The following FAF1 variants were observed in gnomAD, a reference collection of about 807,000 sequenced individuals.
FAF1 encodes the protein FAS-associated factor 1.
A neutral mutation model predicts 92.5 loss-of-function variants in FAF1; 25 were observed. The ratio of observed to expected loss-of-function variants is 0.27; its 90% CI spans 0.20 to 0.38. FAF1 has a LOEUF of 0.38. FAF1 is among the 10% of genes least tolerant of loss of function. FAF1 has a pLI of 1.00. For synonymous variants in FAF1, 234 were observed against 273.2 expected, an observed-to-expected ratio of 0.86 and a Z score of 1.42; for missense variants, 636 against 793.3, an observed-to-expected ratio of 0.80 and a Z score of 2.38.
chr1:50,539,998 GTC>G (rs1194162490), intron 13 of FAF1, among the ~76,000 whole-genome samples: 1 of 151,930 alleles, frequency 6.6e-6, no homozygotes, highest in Non-Finnish European at 1.5e-5. Flanking sequence ...TTGAGACAGA[GTC>G]TCTCTCTGTC....
intron 1 of FAF1, among the ~76,000 whole-genome samples, chr1:50,946,770 A>AGGGCAACAC (rs1219325450): frequency 1.3e-5 from 2 of 152,236 alleles, no homozygotes; most frequent in Non-Finnish European, 2.9e-5. Context: ...CATTTCCTAT[A>AGGGCAACAC]GGGCAACACA....
intron 8 of FAF1, among the ~76,000 whole-genome samples, chr1:50,615,591 T>C (rs958083761): frequency 2.6e-5 from 4 of 152,346 alleles, no homozygotes; most frequent in African/African-American, 4.8e-5. Context: ...TGGTATCTCA[T>C]TGTGGTTTTA....
At chr1:50,879,009 GC>G (rs1410071102) in intron 1 of FAF1, among the ~76,000 whole-genome samples, 15 of 152,124 alleles carry the variant, frequency 9.9e-5, no homozygotes, top group Non-Finnish European at 2.1e-4. Context: ...ATTTTGGGAG[GC>G]CAAGGTGGGC....
chr1:50,621,682 G>T (rs182225872), intron 8 of FAF1, among the ~76,000 whole-genome samples: 137 of 152,020 alleles, frequency 9.0e-4, no homozygotes, highest in Non-Finnish European at 1.5e-3. Context: ...TTACAGGAGT[G>T]AGGCACTGCA....
intron 3 of FAF1, among the ~76,000 whole-genome samples, chr1:50,788,633 A>G (rs1443925630): frequency 6.6e-6 from 1 of 151,950 alleles, no homozygotes; most frequent in Non-Finnish European, 1.5e-5. Context: ...ATTCTCCCCA[A>G]TTCTCCCTAT....
intron 3 of FAF1, among the ~76,000 whole-genome samples, chr1:50,795,082 G>A (rs1661696946): frequency 6.6e-6 from 1 of 152,056 alleles, no homozygotes; most frequent in African/African-American, 2.4e-5. Flanking sequence ...GTACAATGTG[G>A]CCATGTCAAC....
chr1:50,917,650 AAAGGAAAGGAAAGG>A (rs1316239439), intron 1 of FAF1, among the ~76,000 whole-genome samples: 1 of 134,954 alleles, frequency 7.4e-6, no homozygotes, highest in East Asian at 2.2e-4. Flanking sequence ...AAAGGAAAGG[AAAGGAAAGGAAAGG>A]AAAGGAAAGG....
chr1:50,510,161 G>C (rs1647115356), intron 15 of FAF1, among the ~76,000 whole-genome samples: 1 of 130,946 alleles, frequency 7.6e-6, no homozygotes. Flanking sequence ...ACGAGACTCT[G>C]TCTCAAAAAA....
At chr1:50,531,367 A>C (rs537823634) in intron 15 of FAF1, among the ~76,000 whole-genome samples, 1 of 152,358 alleles carries the variant, frequency 6.6e-6, no homozygotes, top group South Asian at 2.1e-4. Context: ...AATAGATCAC[A>C]AACTAAGTAT....
At chr1:50,828,148 A>C (rs1644119171) in intron 2 of FAF1, among the ~76,000 whole-genome samples, 1 of 152,254 alleles carries the variant, frequency 6.6e-6, no homozygotes, top group African/African-American at 2.4e-5. Flanking sequence ...AGTATAGACA[A>C]ATAAACAAAT....
At chr1:50,866,104 G>A (rs1276363806) in intron 1 of FAF1, among the ~76,000 whole-genome samples, 2 of 152,036 alleles carry the variant, frequency 1.3e-5, no homozygotes, top group African/African-American at 4.8e-5. Flanking sequence ...AACATCACAT[G>A]ATAATCTCAA....
chr1:50,852,093 A>G (rs1298653465), intron 2 of FAF1, among the ~76,000 whole-genome samples: 3 of 152,174 alleles, frequency 2.0e-5, no homozygotes, highest in African/African-American at 7.2e-5. Flanking sequence ...GATTTGTATG[A>G]CATGCTTAGA....
intron 1 of FAF1, among the ~76,000 whole-genome samples, chr1:50,905,258 T>G (rs1644827017): frequency 6.6e-6 from 1 of 152,212 alleles, no homozygotes; most frequent in East Asian, 1.9e-4. Context: ...GGTGTACATG[T>G]GCCACATTTT....
chr1:50,750,511 G>A (rs562139474), intron 4 of FAF1, among the ~76,000 whole-genome samples: 1 of 152,028 alleles, frequency 6.6e-6, no homozygotes, highest in East Asian at 1.9e-4. Flanking sequence ...TACATTCTTA[G>A]ATCAAAAGCC....
intron 18 of FAF1, 64 bp from the exon 19 acceptor site, chr1:50,441,587 T>C: frequency 2.3e-6 from 2 of 863,764 alleles, no homozygotes; most frequent in South Asian, 3.6e-5. Flanking sequence ...TACATGGCCT[T>C]CATTTTATCT....
intron 1 of FAF1, among the ~76,000 whole-genome samples, chr1:50,948,433 C>T (rs570044941): frequency 1.9e-3 from 293 of 152,300 alleles, no homozygotes; most frequent in Non-Finnish European, 3.5e-3. Flanking sequence ...CGGGAGACAG[C>T]CTCTCACAGT....
At chr1:50,578,321 T>C (rs572889719) in intron 12 of FAF1, among the ~76,000 whole-genome samples, 1 of 152,244 alleles carries the variant, frequency 6.6e-6, no homozygotes, top group South Asian at 2.1e-4. Context: ...TTAGTAAGAG[T>C]GCCACAGTAT....
chr1:50,705,143 T>C (rs1657620638), intron 7 of FAF1, among the ~76,000 whole-genome samples: 1 of 152,208 alleles, frequency 6.6e-6, no homozygotes, highest in African/African-American at 2.4e-5. Context: ...CCACCCTCCA[T>C]GAAGATAGAA....
chr1:50,608,912 G>A (rs532470200), intron 8 of FAF1, among the ~76,000 whole-genome samples: 2 of 152,230 alleles, frequency 1.3e-5, no homozygotes, highest in East Asian at 3.9e-4. Context: ...AGTCTTATAA[G>A]TTACAAGATT....
Sources: gnomAD v4.1 joint callset for allele counts (sites outside exome capture counted in the v4.1 genomes callset) on GRCh38, gnomAD v4.1.1 for gene constraint, MANE v1.5 for transcripts, NCBI Gene and HGNC (gene_info 2026-07-23, HGNC 2026-07-21) for gene names.